The following FAM107B variants were observed in gnomAD, a reference collection of about 807,000 sequenced individuals.
The protein encoded by FAM107B is protein FAM107B.
Under a neutral mutation model 31.5 loss-of-function variants are expected in FAM107B, and 21 were observed. The observed-to-expected ratio is 0.67, with a 90% CI of 0.47 to 0.96. FAM107B has a LOEUF of 0.96. Ranked by LOEUF, FAM107B falls within the 40% of genes least tolerant of loss-of-function variation. FAM107B has a pLI of 0.00. For synonymous variants in FAM107B, 157 were observed against 141.5 expected (o/e 1.11, Z -0.78); for missense variants, 452 against 377.1 (o/e 1.20, Z -1.64).
At chr10:14,601,140 C>T (rs536064173) in intron 2 of FAM107B, among the ~76,000 whole-genome samples, 9 of 152,304 alleles carry the variant, frequency 5.9e-5, no homozygotes, top group East Asian at 1.9e-4. Flanking sequence ...TGGCACATGA[C>T]GGGCACTGAA....
intron 1 of FAM107B, among the ~76,000 whole-genome samples, chr10:14,688,226 G>T (rs1432941075): frequency 1.3e-5 from 2 of 152,200 alleles, no homozygotes; most frequent in African/African-American, 2.4e-5. Flanking sequence ...TTTGCCAGGG[G>T]CTCTCGGGCC....
chr10:14,650,690 TG>T (rs1853876485), intron 2 of FAM107B, among the ~76,000 whole-genome samples: 1 of 152,230 alleles, frequency 6.6e-6, no homozygotes. Flanking sequence ...ATGCATCAGT[TG>T]TTGTGTTCTG....
rs558940939 is a variant in FAM107B, at chr10:14,734,488, G to GTGTTTTTTTTTTTTTTT, written c.411+39764_411+39765insAAAAAAAAAAAAAAACA. On this transcript the variant is annotated intron_variant, in intron 1 of 4. Transcript: ENST00000181796. ...AAACATAATGAAATCTTTTTGTGAG[G>GTGTTTTTTTTTTTTTTT]TTTTTTTTTTTTTTTTAGCTCATCA... Among the ~76,000 whole-genome samples the GTGTTTTTTTTTTTTTTT allele has an allele frequency of 1.3e-3, 177 of 138,500 alleles. 1 individual carries two copies. Among genetic ancestry groups the GTGTTTTTTTTTTTTTTT allele is most frequent in the Non-Finnish European group, 2.4e-3 (151 of 63,726 alleles). The allele number at this position is 138,500 out of a possible 152,430, so 90.9% of individuals were successfully genotyped here.
chr10:14,725,845 A>C (rs1411429048), intron 1 of FAM107B, among the ~76,000 whole-genome samples: 1 of 37,016 alleles, frequency 2.7e-5, no homozygotes, highest in South Asian at 6.4e-4. Context: ...TTTTTTTTGG[A>C]AATGGAGTCT....
rs184239368 is a variant in FAM107B, at chr10:14,656,762, G to C, written c.469+10872C>G. Among the ~76,000 whole-genome samples, 397 of 152,342 alleles carry C rather than the reference G, an allele frequency of 2.6e-3. 7 individuals are homozygous for C. Among genetic ancestry groups the C allele is most frequent in the Middle Eastern group, 0.017 (5 of 294 alleles). Reference sequence around the variant, plus strand: ...AAGAAAATAGTAAAAGAAAGTGAAAGAGTGTAGAAACGCAGCTTGCAGCAC... The same window carrying C: ...AAGAAAATAGTAAAAGAAAGTGAAACAGTGTAGAAACGCAGCTTGCAGCAC... On this transcript the variant is annotated intron_variant, in intron 2 of 4. Transcript: ENST00000181796.
Position 14,532,153 on chromosome 10 carries a change from G to A in FAM107B, c.470-1638C>T, listed in dbSNP as rs11259157. On this transcript the variant is annotated intron_variant, in intron 2 of 4. Coordinates refer to ENST00000181796, the MANE Select transcript of FAM107B (RefSeq NM_031453.4). ...GCTTCTAGTTCTCAGCACGGTGCTC[G>A]CTGGCCTGTGACACTGCTCACTGTC... 2.1e-3 allele frequency among the ~76,000 whole-genome samples: 313 copies of A among 152,238 alleles called. 2 individuals carry two copies. The highest frequency in any genetic ancestry group is 7.0e-3 in the African/African-American group (291 of 41,532).
At chr10:14,740,177 C>A (rs1036056765) in intron 1 of FAM107B, among the ~76,000 whole-genome samples, 3 of 152,192 alleles carry the variant, frequency 2.0e-5, no homozygotes, top group African/African-American at 7.2e-5. Context: ...AAGCGATATT[C>A]ATATTCGCCA....
chr10:14,656,828 T>C (rs1473359283), intron 2 of FAM107B, among the ~76,000 whole-genome samples: 1 of 152,254 alleles, frequency 6.6e-6, no homozygotes, highest in African/African-American at 2.4e-5. Flanking sequence ...TTGTGCACAC[T>C]GAAAATTTCA....
intron 2 of FAM107B, among the ~76,000 whole-genome samples, chr10:14,615,857 G>A (rs1210249035): frequency 1.3e-5 from 2 of 152,140 alleles, no homozygotes; most frequent in Non-Finnish European, 2.9e-5. Flanking sequence ...AACTTTGAAG[G>A]CAGGCAGGAA....
intron 2 of FAM107B, among the ~76,000 whole-genome samples, chr10:14,634,240 CA>C (rs75049853): frequency 6.7e-5 from 10 of 148,206 alleles, no homozygotes; most frequent in Admixed American, 2.7e-4. Context: ...ACTAAAATTA[CA>C]AAAAAAAAAT....
At chr10:14,739,747 T>G (rs1856393685) in intron 1 of FAM107B, among the ~76,000 whole-genome samples, 1 of 152,214 alleles carries the variant, frequency 6.6e-6, no homozygotes, top group Non-Finnish European at 1.5e-5. Flanking sequence ...ATTCTCTTTA[T>G]GCTGAACTTG....
At chr10:14,722,835 T>C (rs932106698) in intron 1 of FAM107B, among the ~76,000 whole-genome samples, 2 of 152,222 alleles carry the variant, frequency 1.3e-5, no homozygotes, top group African/African-American at 4.8e-5. Flanking sequence ...CCAATTCATC[T>C]ATTTTTTATT....
chr10:14,538,052 G>A (rs1165638315), intron 2 of FAM107B, among the ~76,000 whole-genome samples: 1 of 152,134 alleles, frequency 6.6e-6, no homozygotes, highest in African/African-American at 2.4e-5. Flanking sequence ...AAGCTCTTAG[G>A]CACTCCATGG....
intron 2 of FAM107B, among the ~76,000 whole-genome samples, chr10:14,556,666 G>A (rs545158016): frequency 1.3e-5 from 2 of 152,386 alleles, no homozygotes; most frequent in East Asian, 1.9e-4. Flanking sequence ...CAAAGATTTA[G>A]AAGGCCACCT....
At chr10:14,690,221 G>T (rs1029738203) in intron 1 of FAM107B, among the ~76,000 whole-genome samples, 2 of 152,182 alleles carry the variant, frequency 1.3e-5, no homozygotes, top group African/African-American at 4.8e-5. Flanking sequence ...AGTGACGGAG[G>T]AGAGTGAGGT....
intron 2 of FAM107B, among the ~76,000 whole-genome samples, chr10:14,561,120 A>G (rs937868106): frequency 4.6e-5 from 7 of 152,216 alleles, no homozygotes; most frequent in Non-Finnish European, 7.3e-5. Context: ...AGTCACCCAC[A>G]AGAGGGAATC....
chr10:14,552,566 G>A (rs1849358718), intron 2 of FAM107B, among the ~76,000 whole-genome samples: 1 of 152,134 alleles, frequency 6.6e-6, no homozygotes, highest in Admixed American at 6.5e-5. Context: ...GCCAGGCGTG[G>A]TAGCTCACGC....
intron 1 of FAM107B, among the ~76,000 whole-genome samples, chr10:14,676,696 A>C (rs2131487851): frequency 6.6e-6 from 1 of 152,362 alleles, no homozygotes; most frequent in South Asian, 2.1e-4. Context: ...TGCTTGCAGT[A>C]TGTCAGAGAA....
chr10:14,669,103 G>A (rs1358841028), intron 1 of FAM107B, among the ~76,000 whole-genome samples: 1 of 152,062 alleles, frequency 6.6e-6, no homozygotes, highest in African/African-American at 2.4e-5. Context: ...TGTGGTGGCT[G>A]ACACCTGTAA....
Sources: gnomAD v4.1 joint callset for allele counts (sites outside exome capture counted in the v4.1 genomes callset) on GRCh38, gnomAD v4.1.1 for gene constraint, MANE v1.5 for transcripts, NCBI Gene and HGNC (gene_info 2026-07-23, HGNC 2026-07-21) for gene names.